Variants in ARHGEF10 observed in about 807,000 individuals in gnomAD.
The protein encoded by ARHGEF10 is Rho guanine nucleotide exchange factor 10, also known as Rho guanine nucleotide exchange factor (GEF) 10.
Under a neutral mutation model 147.4 loss-of-function variants are expected in ARHGEF10, and 140 were observed. The ratio of observed to expected loss-of-function variants is 0.95; its 90% CI spans 0.83 to 1.09. The LOEUF is 1.09. Ranked by LOEUF, ARHGEF10 falls within the 50% of genes least tolerant of loss-of-function variation. The pLI is 0.00. For synonymous variants in ARHGEF10, 902 were observed against 695.8 expected (o/e 1.30, Z -4.67); for missense variants, 2,222 against 1,752.7 (o/e 1.27, Z -4.78).
At chr8:1,874,883 C>G (rs11786430) in intron 7 of ARHGEF10, among the ~76,000 whole-genome samples, 4,430 of 48,718 alleles carry the variant, frequency 0.091, 314 homozygotes, top group South Asian at 0.16. Context: ...TGGGAGAGTG[C>G]AGACACACCC....
At chr8:1,849,934 CTG>C (rs1358499272) in intron 2 of ARHGEF10, among the ~76,000 whole-genome samples, 33 of 140,988 alleles carry the variant, frequency 2.3e-4, no homozygotes, top group Non-Finnish European at 3.5e-4. Context: ...CGTGGGCCGG[CTG>C]CGTGGACACA....
chr8:1,842,959 C>A (rs1163257022), intron 1 of ARHGEF10, among the ~76,000 whole-genome samples: 1 of 152,216 alleles, frequency 6.6e-6, no homozygotes, highest in South Asian at 2.1e-4. Flanking sequence ...GCCGTCAGCG[C>A]CGCACCTGAT....
intron 4 of ARHGEF10, 148 bp downstream of exon 4, chr8:1,860,332 C>A: frequency 9.2e-7 from 1 of 1,083,738 alleles, no homozygotes; most frequent in Non-Finnish European, 1.3e-6. Context: ...CCCCCCTCCT[C>A]CTCCTCTCCA....
rs369146655 is a variant in ARHGEF10, at chr8:1,945,447, C to T, written c.3223-34C>T. The T allele has an allele frequency of 1.3e-5, 20 of 1,558,846 alleles. No homozygotes were observed. The Admixed American group carries it at 1.7e-4, about 14-fold the overall frequency. On this transcript the variant is annotated intron_variant, in intron 26 of 28. Coordinates refer to ENST00000349830, the MANE Select transcript of ARHGEF10 (RefSeq NM_014629.4). Reference sequence around the variant, plus strand: ...ACAGGCCCCACTCAGACTCACTCCACGGGGCTAGCAGACTTGACCTCTCGA... The same window carrying T: ...ACAGGCCCCACTCAGACTCACTCCATGGGGCTAGCAGACTTGACCTCTCGA...
intron 17 of ARHGEF10, 127 bp downstream of exon 17, chr8:1,905,843 C>A: frequency 1.6e-6 from 2 of 1,220,038 alleles, no homozygotes; most frequent in South Asian, 1.2e-5. Flanking sequence ...AAGCTCTGTC[C>A]TGTGACTAAG....
At chr8:1,865,454 T>A (rs1293702837) in intron 5 of ARHGEF10, among the ~76,000 whole-genome samples, 1 of 131,786 alleles carries the variant, frequency 7.6e-6, no homozygotes, top group Non-Finnish European at 1.6e-5. Flanking sequence ...CACCAGGGCA[T>A]GGGGCATCCC....
intron 16 of ARHGEF10, 87 bp downstream of exon 16, chr8:1,903,538 T>C (rs1810650310): frequency 6.5e-7 from 1 of 1,536,996 alleles, no homozygotes; most frequent in African/African-American, 1.4e-5. Context: ...ACTAATCTTT[T>C]GGATCGTTTG....
chr8:1,934,411 A>C (rs1323213680), intron 26 of ARHGEF10, among the ~76,000 whole-genome samples: 1 of 152,106 alleles, frequency 6.6e-6, no homozygotes, highest in Non-Finnish European at 1.5e-5. Flanking sequence ...TTTGCTTAGA[A>C]AGACAAGATT....
Position 1,909,487 on chromosome 8 carries a change from C to T in ARHGEF10, c.2143+17C>T, listed in dbSNP as rs745397060. 2 of 1,613,492 alleles carry T rather than the reference C, an allele frequency of 1.2e-6. No individual in the cohort carries two copies. The highest frequency in any genetic ancestry group is 1.7e-6 in the Non-Finnish European group (2 of 1,179,890). ...CGAAACCAAGTAAGTGATGCTTTCT[C>T]TCACGTTCGTGCCGTGGGGCCAGGG... On this transcript the variant is annotated intron_variant, in intron 18 of 28. Coordinates refer to ENST00000349830, the MANE Select transcript of ARHGEF10 (RefSeq NM_014629.4).
intron 9 of ARHGEF10, 114 bp from the exon 10 acceptor site, chr8:1,882,521 C>T: frequency 3.3e-6 from 3 of 896,782 alleles, no homozygotes; most frequent in Non-Finnish European, 3.6e-6. Flanking sequence ...CTGCACGTGA[C>T]ACATGCGCTC....
intron 14 of ARHGEF10, 32 bp downstream of exon 14, chr8:1,896,481 A>G (rs1190465025): frequency 2.1e-6 from 3 of 1,428,556 alleles, no homozygotes; most frequent in Non-Finnish European, 3.0e-6. Context: ...TTGGGTTTTA[A>G]CACCATCTGA....
chr8:1,837,970 C>T (rs1453040191), intron 1 of ARHGEF10, among the ~76,000 whole-genome samples: 1 of 152,184 alleles, frequency 6.6e-6, no homozygotes, highest in Non-Finnish European at 1.5e-5. Context: ...TCACAGTTTC[C>T]TCCTCTGTCT....
intron 18 of ARHGEF10, among the ~76,000 whole-genome samples, chr8:1,910,843 C>T (rs111779046): frequency 1.3e-5 from 2 of 151,930 alleles, no homozygotes; most frequent in African/African-American, 4.8e-5. Flanking sequence ...TTAAGATGGC[C>T]TTATTGTATT....
intron 15 of ARHGEF10, among the ~76,000 whole-genome samples, chr8:1,902,821 C>T (rs757749954): frequency 4.6e-5 from 7 of 152,160 alleles, no homozygotes; most frequent in Non-Finnish European, 8.8e-5. Flanking sequence ...GAGAGAGACT[C>T]GATCCTGCTG....
chr8:1,873,984 A>G (rs1233081792), intron 7 of ARHGEF10, among the ~76,000 whole-genome samples: 1 of 152,230 alleles, frequency 6.6e-6, no homozygotes, highest in Non-Finnish European at 1.5e-5. Context: ...CACTTTTTAA[A>G]TACGCGGGGC....
At chr8:1,834,381 A>G (rs1803457394) in intron 1 of ARHGEF10, among the ~76,000 whole-genome samples, 1 of 152,170 alleles carries the variant, frequency 6.6e-6, no homozygotes, top group Non-Finnish European at 1.5e-5. Context: ...CGAGGTGAGC[A>G]GAGCGTAATG....
At chr8:1,860,388 TCCC>T (rs763905252) in intron 4 of ARHGEF10, among the ~76,000 whole-genome samples, 67 of 91,084 alleles carry the variant, frequency 7.4e-4, no homozygotes, top group East Asian at 4.2e-3. Flanking sequence ...GGCCTAACCT[TCCC>T]CCCTCCTCCT....
chr8:1,848,325 A>T (rs1162167512), intron 2 of ARHGEF10, among the ~76,000 whole-genome samples: 1 of 152,126 alleles, frequency 6.6e-6, no homozygotes, highest in Non-Finnish European at 1.5e-5. Flanking sequence ...CCATTCTGTG[A>T]TTCCTTTCTA....
intron 1 of ARHGEF10, among the ~76,000 whole-genome samples, chr8:1,831,523 T>TCCGTGGAGGGACAGTGTGACGG (rs1284860567): frequency 2.5e-5 from 1 of 39,330 alleles, no homozygotes; most frequent in Non-Finnish European, 5.0e-5. Flanking sequence ...CAGTGTGACA[T>TCCGTGGAGGGACAGTGTGACGG]CCGTGGAGGG....
Sources: allele counts gnomAD v4.1 joint callset (sites outside exome capture counted in the v4.1 genomes callset), GRCh38; gene constraint gnomAD v4.1.1; transcripts MANE v1.5; gene names NCBI Gene and HGNC (gene_info 2026-07-23, HGNC 2026-07-21).